TRIM24: variants seen among roughly 807,000 people sequenced by gnomAD.
The protein encoded by TRIM24 is tripartite motif containing 24, also known as transcription intermediary factor 1-alpha.
Under a neutral mutation model 123.9 loss-of-function variants are expected in TRIM24, and 29 were observed. The ratio of observed to expected loss-of-function variants is 0.23; its 90% CI spans 0.17 to 0.32. The LOEUF (loss-of-function observed/expected upper bound fraction) is 0.32, where lower values mean the gene tolerates loss of function less well. Among genes scored for constraint, TRIM24 ranks in the 10% least tolerant of loss-of-function variants. The pLI is 1.00. For synonymous variants in TRIM24, 456 were observed against 461.1 expected, an observed-to-expected ratio of 0.99 and a Z score of 0.14; for missense variants, 932 against 1,295.3, an observed-to-expected ratio of 0.72 and a Z score of 4.31.
intron 1 of TRIM24, chr7:138,490,986 G>T (rs1795768660): frequency 3.8e-6 from 1 of 265,150 alleles, no homozygotes; most frequent in Non-Finnish European, 7.3e-6. Flanking sequence ...ATAAGTAGTA[G>T]TCTTGATGTC....
chr7:138,511,734 T>C lies in TRIM24; in HGVS notation c.484-3478T>C, dbSNP rs538984439. On this transcript the variant is annotated intron_variant, in intron 2 of 18. Coordinates refer to ENST00000343526, the MANE Select transcript of TRIM24 (RefSeq NM_015905.3). ...TGGGGATTACAATTCTACATGAAAT[T>C]TGGTCAGGGACACAGATCCAAACCA... Among the ~76,000 whole-genome samples, 187 of 152,184 alleles carry C rather than the reference T, an allele frequency of 1.2e-3. 1 individual carries two copies. Among genetic ancestry groups the C allele is most frequent in the Non-Finnish European group, 1.7e-3 (116 of 68,000 alleles).
In TRIM24 at chr7:138,579,305, A is replaced by G; in HGVS notation, c.2358A>G (p.Thr786=). ...TVLRSDAPDS[T]GDQPGLHQDN... ...TAAGATCAGATGCCCCTGATAGTAC[A>G]GGAGATCAACCTGGACTTCACCAGG... The change falls in exon 15 of 19, where the codon ACA becomes ACG. Residue 786 remains threonine, a synonymous_variant. Transcript: ENST00000343526. 1 of 1,614,200 alleles carries G rather than the reference A, an allele frequency of 6.2e-7. No homozygotes were observed. The highest frequency in any genetic ancestry group is 1.1e-5 in the South Asian group (1 of 91,084).
At chr7:138,584,424 T>C (rs185265269) in intron 18 of TRIM24, among the ~76,000 whole-genome samples, 92 of 152,356 alleles carry the variant, frequency 6.0e-4, no homozygotes, top group African/African-American at 1.9e-3. Flanking sequence ...CTCATTCTAA[T>C]AGTACTACAT....
chr7:138,524,701 T>A (rs1450609794), intron 4 of TRIM24, among the ~76,000 whole-genome samples: 4 of 152,162 alleles, frequency 2.6e-5, no homozygotes, highest in Non-Finnish European at 4.4e-5. Flanking sequence ...AAATCATCTT[T>A]CCTCAGTTTC....
intron 1 of TRIM24, among the ~76,000 whole-genome samples, chr7:138,502,510 G>A (rs949004768): frequency 1.3e-5 from 2 of 152,200 alleles, no homozygotes; most frequent in Non-Finnish European, 2.9e-5. Flanking sequence ...CAGTTTTAAA[G>A]TCCATGCTAT....
intron 1 of TRIM24, among the ~76,000 whole-genome samples, chr7:138,468,800 A>G (rs991008571): frequency 6.6e-5 from 10 of 152,180 alleles, no homozygotes; most frequent in African/African-American, 2.4e-4. Context: ...AAACCCTTAC[A>G]TAGACTACTG....
At chr7:138,556,873 G>T (rs1048276939) in intron 9 of TRIM24, among the ~76,000 whole-genome samples, 1 of 152,160 alleles carries the variant, frequency 6.6e-6, no homozygotes, top group African/African-American at 2.4e-5. Flanking sequence ...CAAAGACAGG[G>T]CTTGACTTTT....
intron 6 of TRIM24, among the ~76,000 whole-genome samples, chr7:138,535,716 G>T (rs1796855681): frequency 6.6e-6 from 1 of 152,092 alleles, no homozygotes; most frequent in South Asian, 2.1e-4. Context: ...TTCTCAAGGA[G>T]TATCTTTGTG....
Position 138,563,096 on chromosome 7 carries a change from A to G in TRIM24, c.1531-4385A>G, listed in dbSNP as rs1390080999. Among the ~76,000 whole-genome samples the G allele has an allele frequency of 1.3e-5, 2 of 152,156 alleles. 1 individual carries two copies. The highest frequency in any genetic ancestry group is 2.9e-5 in the Non-Finnish European group (2 of 68,032). On this transcript the variant is annotated intron_variant, in intron 9 of 18. Coordinates refer to ENST00000343526, the MANE Select transcript of TRIM24 (RefSeq NM_015905.3). ...CCTATGGATCGGGTTACTACCAGCT[A>G]TTCAGCCCCATTGTCCACCATAAAG...
chr7:138,507,359 ATTT>A (rs11301228), intron 2 of TRIM24, among the ~76,000 whole-genome samples: 7 of 132,376 alleles, frequency 5.3e-5, no homozygotes, highest in Admixed American at 1.5e-4. Context: ...TTCATCTGTA[ATTT>A]TTTTTTTTTT....
rs374731172 is a variant in TRIM24 at position 138,585,523 on chromosome 7, A to G, written c.*572A>G. The G allele has an allele frequency of 6.0e-6, 2 of 335,590 alleles. No individual in the cohort carries two copies. The highest frequency in any genetic ancestry group is 2.2e-5 in the African/African-American group (1 of 45,110). The allele number at this position is 335,590 out of a possible 1,614,324, so 20.8% of individuals were successfully genotyped here. ...ACAGAAGGGTAGGTTAGATGCTATT[A>G]AGAAGGCACTTAATAGTACATCATG... On this transcript the variant is annotated 3_prime_UTR_variant, in exon 19 of 19. Coordinates refer to ENST00000343526, the MANE Select transcript of TRIM24 (RefSeq NM_015905.3).
chr7:138,525,224 T>C lies in TRIM24; in HGVS notation c.765-17T>C. On this transcript the variant is annotated splice_polypyrimidine_tract_variant and intron_variant, in intron 4 of 18. Transcript: ENST00000343526. ...CATTGTATATTTTTATATGAAATAA[T>C]TTGCTTATTTCTTCAGATACCAATT... is the stretch of plus-strand genomic sequence containing the variant. The C allele has an allele frequency of 8.3e-7, 1 of 1,197,896 alleles. No individual in the cohort carries two copies. Among genetic ancestry groups the C allele is most frequent in the Non-Finnish European group, 1.2e-6 (1 of 868,158 alleles). The allele number at this position is 1,197,896 out of a possible 1,614,324, so 74.2% of individuals were successfully genotyped here.
chr7:138,470,210 A>G (rs1424613925), intron 1 of TRIM24, among the ~76,000 whole-genome samples: 3 of 140,220 alleles, frequency 2.1e-5, no homozygotes, highest in Non-Finnish European at 4.5e-5. Context: ...GGCTCACTGC[A>G]ACCTCTGCCT....
intron 1 of TRIM24, among the ~76,000 whole-genome samples, chr7:138,467,042 T>A (rs142350251): frequency 3.3e-4 from 51 of 152,332 alleles, no homozygotes; most frequent in African/African-American, 1.2e-3. Context: ...TACTTTTTCA[T>A]TATATTATTT....
At position 138,460,849 on chromosome 7, in the gene TRIM24, A is replaced by G. The variant is rs1161904292; in HGVS notation, c.301A>G (p.Thr101Ala). 3.2e-6 allele frequency: 5 copies of G among 1,559,518 alleles called. No individual in the cohort carries two copies. The highest frequency in any genetic ancestry group is 1.4e-5 in the African/African-American group (1 of 70,616). The change falls in exon 1 of 19, where the codon ACC (threonine) becomes GCC (alanine). Residue 101 changes from threonine (T) to alanine (A), a missense_variant. By Grantham distance (58) the Thr-to-Ala change is moderately conservative. Transcript: ENST00000343526. The part of the protein sequence containing the change: ...LPAPMLGSAE[T>A]PPPVPAPGSP... Reference sequence around the variant, plus strand: ...CGCGCCCATGCTGGGCTCGGCCGAGACCCCGCCACCCGTCCCTGCCCCCGG... The same window carrying G: ...CGCGCCCATGCTGGGCTCGGCCGAGGCCCCGCCACCCGTCCCTGCCCCCGG...
intron 1 of TRIM24, chr7:138,461,134 G>GCGC (rs752059768): frequency 1.3e-4 from 91 of 694,476 alleles, no homozygotes; most frequent in Admixed American, 4.4e-4. Context: ...GGACTTGACC[G>GCGC]CGCCGCCGCC....
rs1554429651 is a variant in TRIM24 at position 138,463,989 on chromosome 7, C to CATTTTTTTTTTTT, written c.364+3077_364+3078insATTTTTTTTTTTT. Among the ~76,000 whole-genome samples the CATTTTTTTTTTTT allele has an allele frequency of 3.2e-4, 16 of 50,768 alleles. 1 individual carries two copies. The highest frequency in any genetic ancestry group is 1.2e-3 in the African/African-American group (15 of 12,200). 33.3% of individuals were successfully genotyped at this position (50,768 alleles called of 152,430 possible). A position where few individuals can be genotyped will look rare whatever the true frequency, so the allele number is the denominator to read the frequency against. ...ATACTAGCTGAAGCAAAAATTTAGA[C>CATTTTTTTTTTTT]TTTTTTTTTTTTTTTTTTTTTTTGA... On this transcript the variant is annotated intron_variant, in intron 1 of 18. Transcript: ENST00000343526.
At chr7:138,510,587 A>G (rs540321084) in intron 2 of TRIM24, among the ~76,000 whole-genome samples, 1 of 152,160 alleles carries the variant, frequency 6.6e-6, no homozygotes, top group East Asian at 1.9e-4. Context: ...ACATCTGGCT[A>G]ATTTTTTGTA....
chr7:138,571,124 G>A, intron 11 of TRIM24, 121 bp downstream of exon 11: 2 of 986,598 alleles, frequency 2.0e-6, no homozygotes, highest in Admixed American at 2.1e-5. Flanking sequence ...GAGGTCAGGA[G>A]TTCGAGACTA....
Sources: gnomAD v4.1 joint callset for allele counts (sites outside exome capture counted in the v4.1 genomes callset) on GRCh38, gnomAD v4.1.1 for gene constraint, MANE v1.5 for transcripts, NCBI Gene and HGNC (gene_info 2026-07-23, HGNC 2026-07-21) for gene names.